STK24: variants seen among roughly 807,000 people sequenced by gnomAD.
STK24 encodes the protein serine/threonine kinase 24, also known as serine/threonine-protein kinase 24.
A neutral mutation model predicts 55.6 loss-of-function variants in STK24; 21 were observed. The observed-to-expected ratio is 0.38, with a 90% CI of 0.27 to 0.54. The LOEUF is 0.54. STK24 is among the 20% of genes least tolerant of loss of function. The pLI is 0.79. For synonymous variants in STK24, 200 were observed against 215.2 expected, an observed-to-expected ratio of 0.93 and a Z score of 0.62; for missense variants, 383 against 538.4, an observed-to-expected ratio of 0.71 and a Z score of 2.86.
chr13:98,479,324 C>G lies in STK24; in HGVS notation c.330+2941G>C, dbSNP rs116820490. Reference sequence around the variant, plus strand: ...TTTAAATCAACGGACTGAGCACACACTCAAATATGTGCATTCAAAATAAAA... The same window carrying G: ...TTTAAATCAACGGACTGAGCACACAGTCAAATATGTGCATTCAAAATAAAA... On this transcript the variant is annotated intron_variant, in intron 3 of 10. Coordinates refer to ENST00000539966, the MANE Select transcript of STK24 (RefSeq NM_001032296.4). Among the ~76,000 whole-genome samples, 1,201 of 152,316 alleles carry G rather than the reference C, an allele frequency of 7.9e-3. 17 individuals carry two copies. The highest frequency in any genetic ancestry group is 0.027 in the African/African-American group (1,126 of 41,564).
chr13:98,513,582 T>C (rs1458752153), intron 2 of STK24, among the ~76,000 whole-genome samples: 1 of 151,912 alleles, frequency 6.6e-6, no homozygotes, highest in African/African-American at 2.4e-5. Context: ...GGTTCTCTTC[T>C]CTGTTAAGAT....
intron 1 of STK24, among the ~76,000 whole-genome samples, chr13:98,574,290 C>T (rs1464090303): frequency 6.6e-6 from 1 of 152,214 alleles, no homozygotes; most frequent in African/African-American, 2.4e-5. Context: ...AGATTACAGA[C>T]TCTGCTGTCT....
rs538216615 is a variant in STK24, at chr13:98,451,438, C to A, written c.*1735G>T. The A allele has an allele frequency of 6.6e-6, 1 of 152,296 alleles. No homozygotes were observed. The highest frequency in any genetic ancestry group is 2.4e-5 in the African/African-American group (1 of 41,550). 9.4% of individuals were successfully genotyped at this position (152,296 alleles called of 1,614,324 possible). On this transcript the variant is annotated 3_prime_UTR_variant, in exon 11 of 11. Coordinates refer to ENST00000539966, the MANE Select transcript of STK24 (RefSeq NM_001032296.4). ...TAGCAACTCAGTTCTATTTCCCCAA[C>A]CAAAATATATCCCTTATACAAATTA...
At chr13:98,465,560 G>A (rs1327947140) in intron 6 of STK24, among the ~76,000 whole-genome samples, 1 of 152,236 alleles carries the variant, frequency 6.6e-6, no homozygotes, top group African/African-American at 2.4e-5. Context: ...ACACTGGTGT[G>A]GTGGTCTCAG....
At chr13:98,555,410 T>A (rs1192873597) in intron 1 of STK24, among the ~76,000 whole-genome samples, 1 of 151,528 alleles carries the variant, frequency 6.6e-6, no homozygotes, top group African/African-American at 2.4e-5. Flanking sequence ...TGAAACCCCA[T>A]CTCTACTAAA....
intron 5 of STK24, among the ~76,000 whole-genome samples, chr13:98,473,205 A>C (rs914009354): frequency 3.4e-5 from 2 of 59,170 alleles, no homozygotes; most frequent in African/African-American, 1.4e-4. Flanking sequence ...GGTTAAATGA[A>C]AGAATCAATA....
chr13:98,463,985 C>A, intron 6 of STK24, 149 bp from the exon 7 acceptor site: 1 of 906,474 alleles, frequency 1.1e-6, no homozygotes, highest in Non-Finnish European at 1.7e-6. Flanking sequence ...GCAACTCACC[C>A]AAAGACGAGT....
intron 1 of STK24, among the ~76,000 whole-genome samples, chr13:98,548,861 C>CAAAAAAAAA (rs55793722): frequency 3.2e-4 from 12 of 37,796 alleles, no homozygotes; most frequent in African/African-American, 1.1e-3. Context: ...GACTCTGTCT[C>CAAAAAAAAA]AAAAAAAAAA....
Position 98,474,865 on chromosome 13 carries a change from A to G in STK24, c.553T>C (p.Trp185Arg). 6.2e-7 allele frequency: 1 copy of G among 1,614,082 alleles called. No individual in the cohort carries two copies. The highest frequency in any genetic ancestry group is 8.5e-7 in the Non-Finnish European group (1 of 1,179,948). The change falls in exon 5 of 11, where the codon TGG (tryptophan) becomes CGG (arginine). Residue 185 changes from tryptophan (W) to arginine (R), a missense_variant. Physicochemically the swap from Trp to Arg is moderately radical, Grantham distance 101. Transcript: ENST00000539966. ...KRNTFVGTPF[W>R]MAPEVIKQSA... ...TGTTTGATGACCTCGGGTGCCATCC[A>G]GAATGGGGTGCCCACGAAGGTGTTC... is the stretch of plus-strand genomic sequence containing the variant.
intron 1 of STK24, among the ~76,000 whole-genome samples, chr13:98,533,462 A>T (rs944211776): frequency 1.3e-5 from 2 of 152,124 alleles, no homozygotes; most frequent in African/African-American, 4.8e-5. Context: ...ATCTATAAAA[A>T]AATACTTAAG....
chr13:98,528,550 CACAAT>C (rs1486731145), intron 1 of STK24, among the ~76,000 whole-genome samples: 1 of 152,216 alleles, frequency 6.6e-6, no homozygotes, highest in Non-Finnish European at 1.5e-5. Context: ...AGGGCCATTC[CACAAT>C]ACAACACAAC....
intron 3 of STK24, among the ~76,000 whole-genome samples, chr13:98,477,879 C>A (rs1335681329): frequency 6.6e-6 from 1 of 152,142 alleles, no homozygotes; most frequent in African/African-American, 2.4e-5. Context: ...GTGAGGAACA[C>A]TCATGGAAAA....
At chr13:98,477,630 G>A (rs1894426091) in intron 3 of STK24, among the ~76,000 whole-genome samples, 1 of 149,480 alleles carries the variant, frequency 6.7e-6, no homozygotes, top group South Asian at 2.1e-4. Flanking sequence ...AGCCAAGATC[G>A]CACCATTGCA....
At chr13:98,535,328 ACT>A (rs1391900537) in intron 1 of STK24, among the ~76,000 whole-genome samples, 1 of 145,520 alleles carries the variant, frequency 6.9e-6, no homozygotes, top group Non-Finnish European at 1.5e-5. Flanking sequence ...CAAGAGCGAA[ACT>A]CTGTCTCAAA....
At chr13:98,520,419 T>G (rs756542923) in intron 1 of STK24, among the ~76,000 whole-genome samples, 2 of 152,034 alleles carry the variant, frequency 1.3e-5, no homozygotes, top group Non-Finnish European at 2.9e-5. Flanking sequence ...ACATCTTCCC[T>G]CAGAAATGGT....
rs541356835 is a variant in STK24, at chr13:98,492,540, C to T, written c.274-10219G>A. ...TCCTCAGGATTTGCTCCGCACAGCC[C>T]ACCCCCAGGTGGGCAGGATGCAGGC... is the stretch of plus-strand genomic sequence containing the variant. On this transcript the variant is annotated intron_variant, in intron 2 of 10. Coordinates refer to ENST00000539966, the MANE Select transcript of STK24 (RefSeq NM_001032296.4). 2.4e-4 allele frequency among the ~76,000 whole-genome samples: 36 copies of T among 152,308 alleles called. 1 individual carries two copies. Among genetic ancestry groups the T allele is most frequent in the Admixed American group, 2.1e-3 (32 of 15,300 alleles).
intron 1 of STK24, among the ~76,000 whole-genome samples, chr13:98,555,014 C>CAAAAAAAA (rs398024117): frequency 7.9e-5 from 7 of 88,330 alleles, no homozygotes; most frequent in Non-Finnish European, 8.9e-5. Flanking sequence ...GACTCCAACT[C>CAAAAAAAA]AAAAAAAAAA....
At chr13:98,564,336 T>C (rs1354063464) in intron 1 of STK24, among the ~76,000 whole-genome samples, 3 of 152,214 alleles carry the variant, frequency 2.0e-5, no homozygotes, top group Admixed American at 6.5e-5. Flanking sequence ...TAAGAGGAGC[T>C]GGACAGATGA....
rs1379651487 is a variant in STK24 at position 98,450,837 on chromosome 13, G to C, written c.*2336C>G. ...CACAAAAGCCAGCTTCCTTGGCTAA[G>C]ATGCCCTTAAAAACATTGGGGCTGA... On this transcript the variant is annotated 3_prime_UTR_variant, in exon 11 of 11. Transcript: ENST00000539966. 6.6e-6 allele frequency: 1 copy of C among 152,274 alleles called. No homozygotes were observed. Among genetic ancestry groups the C allele is most frequent in the Non-Finnish European group, 1.5e-5 (1 of 68,072 alleles). 9.4% of individuals were successfully genotyped at this position (152,274 alleles called of 1,614,324 possible). A position where few individuals can be genotyped will look rare whatever the true frequency, so the allele number is the denominator to read the frequency against.
Sources: gnomAD v4.1 joint callset for allele counts (sites outside exome capture counted in the v4.1 genomes callset) on GRCh38, gnomAD v4.1.1 for gene constraint, MANE v1.5 for transcripts, NCBI Gene and HGNC (gene_info 2026-07-23, HGNC 2026-07-21) for gene names.